The following PLEKHA1 variants were observed in gnomAD, a reference collection of about 807,000 sequenced individuals.
PLEKHA1 encodes the protein pleckstrin homology domain containing A1.
A neutral mutation model predicts 52.0 loss-of-function variants in PLEKHA1; 34 were observed. The observed-to-expected ratio is 0.65, with a 90% CI of 0.50 to 0.87. The LOEUF is 0.87. PLEKHA1 is among the 40% of genes least tolerant of loss of function. The probability of loss-of-function intolerance (pLI) is 0.00; values close to 1 mark genes in which losing one functional copy is unlikely to be tolerated. For missense variants in PLEKHA1, 497 were observed against 504.2 expected, an observed-to-expected ratio of 0.99 and a Z score of 0.14; for synonymous variants, 163 against 170.7, an observed-to-expected ratio of 0.95 and a Z score of 0.35.
At position 122,430,616 on chromosome 10, in the gene PLEKHA1, C is replaced by T. The variant is rs773012415; in HGVS notation, c.*678C>T. ...AGACATTTGTTTGAAAAAGCTTCAT[C>T]AGGCCTTGGAGCAGTCACTGCTTTA... is the stretch of plus-strand genomic sequence containing the variant. On this transcript the variant is annotated 3_prime_UTR_variant, in exon 12 of 12. Transcript: ENST00000368990. 2.6e-5 allele frequency: 4 copies of T among 152,266 alleles called. No individual in the cohort carries two copies. Among genetic ancestry groups the T allele is most frequent in the Admixed American group, 2.6e-4 (4 of 15,284 alleles). The allele number at this position is 152,266 out of a possible 1,614,324, so 9.4% of individuals were successfully genotyped here.
chr10:122,439,215 GAATA>G, the PLEKHA1 span: 11 of 152,102 alleles, frequency 7.2e-5, no homozygotes, highest in African/African-American at 2.2e-4. Context: ...TACATTTCTG[GAATA>G]AATCCCATTT....
In PLEKHA1 at chr10:122,415,930, T is replaced by A; in HGVS notation, c.540T>A (p.Pro180=). The A allele has an allele frequency of 6.2e-7, 1 of 1,613,582 alleles. No homozygotes were observed. The highest frequency in any genetic ancestry group is 8.5e-7 in the Non-Finnish European group (1 of 1,179,622). The change falls in exon 7 of 12, where the codon CCT becomes CCA. Residue 180 remains proline, a synonymous_variant. Transcript: ENST00000368990. The part of the protein sequence containing the change: ...NNLKRSQSHL[P]YFTPKPPQDS... ...TGAAACGGTCACAAAGCCATCTTCC[T>A]TACTTTACTCCTAAACCACCTCAAG...
downstream of PLEKHA1, chr10:122,434,070 A>G (rs2097429486): frequency 6.6e-6 from 1 of 152,186 alleles, no homozygotes; most frequent in South Asian, 2.1e-4. Flanking sequence ...ATACTTGTCC[A>G]GGAGCCTGCT....
At chr10:122,403,408 A>T (rs918385019) in intron 4 of PLEKHA1, among the ~76,000 whole-genome samples, 1 of 152,092 alleles carries the variant, frequency 6.6e-6, no homozygotes, top group Non-Finnish European at 1.5e-5. Flanking sequence ...TTGTGAGATG[A>T]TTTTTGTTTG....
chr10:122,428,299 G>A lies in PLEKHA1; in HGVS notation c.900+1268G>A, dbSNP rs995011339. The A allele has an allele frequency of 5.2e-6, 8 of 1,543,954 alleles. No individual in the cohort carries two copies. In the East Asian group the frequency reaches 1.7e-4, roughly 33 times the overall value. ...AGATGCGGCAGGCCAGAAGGCTGTC[G>A]AACCCTTGTATACAGAGGTATACAT... On this transcript the variant is annotated intron_variant, in intron 11 of 11. Coordinates refer to ENST00000368990, the MANE Select transcript of PLEKHA1 (RefSeq NM_001001974.4).
chr10:122,376,518 ATATATATATAT>A (rs2096538403), intron 1 of PLEKHA1, among the ~76,000 whole-genome samples: 2 of 43,556 alleles, frequency 4.6e-5, no homozygotes, highest in African/African-American at 1.2e-4. Context: ...ATATATATAT[ATATATATATAT>A]ATATAATATA....
chr10:122,398,823 T>C (rs767007893), intron 3 of PLEKHA1, among the ~76,000 whole-genome samples: 1 of 152,130 alleles, frequency 6.6e-6, no homozygotes, highest in South Asian at 2.1e-4. Context: ...TAAAATACTT[T>C]ATATTAGTAT....
chr10:122,423,431 A>C (rs933865909), intron 8 of PLEKHA1: 3 of 150,786 alleles, frequency 2.0e-5, no homozygotes, highest in Non-Finnish European at 2.9e-5. Context: ...ATCTCAAAAA[A>C]AAAAAAAACA....
At chr10:122,411,194 G>A (rs1030423022) in intron 5 of PLEKHA1, among the ~76,000 whole-genome samples, 1 of 152,096 alleles carries the variant, frequency 6.6e-6, no homozygotes, top group Admixed American at 6.6e-5. Flanking sequence ...TTGTTTCTGC[G>A]GATGAGGGCA....
chr10:122,413,137 T>C, intron 6 of PLEKHA1, 92 bp downstream of exon 6: 1 of 1,134,334 alleles, frequency 8.8e-7, no homozygotes, highest in Non-Finnish European at 1.2e-6. Context: ...CTTTGCTTAA[T>C]TGGTATAATA....
Position 122,412,222 on chromosome 10 carries a change from G to A in PLEKHA1, c.343-698G>A, listed in dbSNP as rs992728358. 2.0e-5 allele frequency: 3 copies of A among 152,242 alleles called. No individual in the cohort carries two copies. The East Asian group carries it at 5.8e-4, about 29-fold the overall frequency. The allele number at this position is 152,242 out of a possible 1,614,324, so 9.4% of individuals were successfully genotyped here. On this transcript the variant is annotated intron_variant, in intron 5 of 11. Coordinates refer to ENST00000368990, the MANE Select transcript of PLEKHA1 (RefSeq NM_001001974.4). ...TCATTGTTTTCCTGTACTTGTGAACGATTTATCATTGATCCAAGTATTGGA... is the reference window on the plus strand; with the variant it reads ...TCATTGTTTTCCTGTACTTGTGAACAATTTATCATTGATCCAAGTATTGGA...
chr10:122,406,363 G>A (rs2097015271), intron 4 of PLEKHA1, among the ~76,000 whole-genome samples: 1 of 152,110 alleles, frequency 6.6e-6, no homozygotes, highest in Non-Finnish European at 1.5e-5. Flanking sequence ...ATGTATTGTG[G>A]TGTATCCATT....
At position 122,400,327 on chromosome 10, in the gene PLEKHA1, CTA is replaced by C; in HGVS notation, c.199-14_199-13del. 1 of 1,595,200 alleles carries C rather than the reference CTA, an allele frequency of 6.3e-7. No individual in the cohort carries two copies. Among genetic ancestry groups the C allele is most frequent in the Non-Finnish European group, 8.5e-7 (1 of 1,173,816 alleles). On this transcript the variant is annotated splice_polypyrimidine_tract_variant and intron_variant, in intron 3 of 11. Coordinates refer to ENST00000368990, the MANE Select transcript of PLEKHA1 (RefSeq NM_001001974.4). ...ATATGGAGAAGTGAGGAACCCGTCTCTATTTTTCTTTTTAGGTTAGCGATGCT... is the reference window on the plus strand; with the variant it reads ...ATATGGAGAAGTGAGGAACCCGTCTCTTTTTCTTTTTAGGTTAGCGATGCT...
chr10:122,392,746 G>T (rs1447266024), intron 1 of PLEKHA1, among the ~76,000 whole-genome samples: 1 of 152,116 alleles, frequency 6.6e-6, no homozygotes, highest in Non-Finnish European at 1.5e-5. Context: ...ATATGGAAAA[G>T]AACCTTGTAC....
At chr10:122,433,431 A>T (rs1198898915), downstream of PLEKHA1, 1 of 152,264 alleles carries the variant, frequency 6.6e-6, no homozygotes, top group Non-Finnish European at 1.5e-5. Flanking sequence ...ATCTGTGCCC[A>T]GGGTGTAGCT....
intron 3 of PLEKHA1, among the ~76,000 whole-genome samples, chr10:122,399,112 T>TAAATTGTGCAGTTTGTAC (rs1159097157): frequency 6.6e-5 from 10 of 152,174 alleles, no homozygotes; most frequent in African/African-American, 1.7e-4. Context: ...TCCTGAAGTT[T>TAAATTGTGCAGTTTGTAC]AAATTGTGCA....
At chr10:122,421,452 A>G (rs1467408336) in intron 8 of PLEKHA1, 1 of 152,196 alleles carries the variant, frequency 6.6e-6, no homozygotes, top group African/African-American at 2.4e-5. Context: ...TTTTGCTCTA[A>G]TAAAAGACAT....
chr10:122,428,483 C>G, intron 11 of PLEKHA1: 4 of 1,268,524 alleles, frequency 3.2e-6, no homozygotes, highest in Non-Finnish European at 4.0e-6. Context: ...CTAACGCAAA[C>G]TGTTTCACTG....
At position 122,393,383 on chromosome 10, in the gene PLEKHA1, G is replaced by T; in HGVS notation, c.141+42G>T. The T allele has an allele frequency of 6.4e-7, 1 of 1,554,276 alleles. No homozygotes were observed. The highest frequency in any genetic ancestry group is 8.7e-7 in the Non-Finnish European group (1 of 1,152,868). On this transcript the variant is annotated intron_variant, in intron 2 of 11. Transcript: ENST00000368990. This position sits in a 1 kb window ranked among gnomAD's most constrained non-coding sequence, Gnocchi z 4.5. ...GGATTATCTTTTAAAAGCACAGAAA[G>T]TTGTATTTAAGTATTTAACATACTA... is the stretch of plus-strand genomic sequence containing the variant.
Sources: allele counts gnomAD v4.1 joint callset (sites outside exome capture counted in the v4.1 genomes callset), GRCh38; gene constraint gnomAD v4.1.1; non-coding constraint Gnocchi (gnomAD v3.1); transcripts MANE v1.5; gene names NCBI Gene and HGNC (gene_info 2026-07-23, HGNC 2026-07-21).